The following ZNF718 variants were observed in gnomAD, a reference collection of about 807,000 sequenced individuals.
ZNF718 encodes the protein zinc finger protein 718.
A neutral mutation model predicts 2.6 loss-of-function variants in ZNF718; 3 were observed. The ratio of observed to expected loss-of-function variants is 1.16; its 90% CI spans 0.53 to 3.01. The LOEUF is 3.01. Ranked by LOEUF, ZNF718 falls within the 30% of genes most tolerant of loss-of-function variation. The pLI is 0.03. For missense variants in ZNF718, 468 were observed against 230.0 expected (o/e 2.03, Z -6.69); for synonymous variants, 135 against 77.9 (o/e 1.73, Z -3.86).
chr4:126,828 T>TC (rs1715242142), intron 1 of ZNF718, among the ~76,000 whole-genome samples: 4 of 146,450 alleles, frequency 2.7e-5, no homozygotes, highest in Admixed American at 1.4e-4. Context: ...ATAATTTTTC[T>TC]CTTTTTTTTT....
At chr4:146,174 A>T (rs1482024241) in intron 3 of ZNF718, among the ~76,000 whole-genome samples, 1 of 151,300 alleles carries the variant, frequency 6.6e-6, no homozygotes, top group Non-Finnish European at 1.5e-5. Context: ...AACTTGAAAA[A>T]TTCTCATTAA....
At chr4:196,626 G>A (rs1299611195) in intron 3 of ZNF718, among the ~76,000 whole-genome samples, 1 of 151,834 alleles carries the variant, frequency 6.6e-6, no homozygotes, top group African/African-American at 2.4e-5. Context: ...ACTTCTGGCT[G>A]CACCGTGATC....
intron 3 of ZNF718, among the ~76,000 whole-genome samples, chr4:172,204 C>T (rs1189726112): frequency 1.3e-5 from 2 of 152,100 alleles, no homozygotes; most frequent in African/African-American, 2.4e-5. Context: ...TCTGAATAAA[C>T]AAGCATCCAG....
intron 3 of ZNF718, among the ~76,000 whole-genome samples, chr4:143,507 A>G (rs949004082): frequency 6.6e-5 from 10 of 152,170 alleles, no homozygotes; most frequent in African/African-American, 2.2e-4. Context: ...TTTTAAACAA[A>G]ATTCTGGGAT....
At chr4:165,360 A>G (rs1443248503), downstream of ZNF718, among the ~76,000 whole-genome samples, 1 of 152,172 alleles carries the variant, frequency 6.6e-6, no homozygotes, top group Non-Finnish European at 1.5e-5. Flanking sequence ...TAAAAGAAAA[A>G]TTTTATGAAA....
chr4:189,062 T>TA (rs1366069828), intron 3 of ZNF718, among the ~76,000 whole-genome samples: 83 of 138,918 alleles, frequency 6.0e-4, no homozygotes, highest in African/African-American at 2.4e-3. Context: ...GTAGATTATT[T>TA]TTTTTTTTTT....
At chr4:171,781 G>A (rs573105819) in intron 3 of ZNF718, among the ~76,000 whole-genome samples, 7 of 152,306 alleles carry the variant, frequency 4.6e-5, no homozygotes, top group South Asian at 2.1e-4. Context: ...TCCCTGACCC[G>A]TTGTGCTTCC....
chr4:196,080 G>A (rs77815676), intron 3 of ZNF718, among the ~76,000 whole-genome samples: 19,593 of 148,472 alleles, frequency 0.13, 1,693 homozygotes, highest in Admixed American at 0.24. Context: ...TACTCAATTC[G>A]CCTTCAACCT....
rs1246391865 is a variant in ZNF718, at chr4:129,542, T to C, written c.4-1246T>C. On this transcript the variant is annotated intron_variant, in intron 1 of 3. Coordinates refer to ENST00000510175, the MANE Select transcript of ZNF718 (RefSeq NM_001039127.6). ...TTCCTGATACCCAAAAGCAGATAAATGAGGAAAAGCAATATACTTTTGTGC... is the reference window on the plus strand; with the variant it reads ...TTCCTGATACCCAAAAGCAGATAAACGAGGAAAAGCAATATACTTTTGTGC... 3.8e-5 allele frequency among the ~76,000 whole-genome samples: 4 copies of C among 104,398 alleles called. 2 individuals carry two copies. The highest frequency in any genetic ancestry group is 8.5e-5 in the Non-Finnish European group (4 of 46,784). 68.5% of individuals were successfully genotyped at this position (104,398 alleles called of 152,430 possible).
chr4:189,256 C>T (rs782528925), intron 3 of ZNF718, among the ~76,000 whole-genome samples: 6 of 151,824 alleles, frequency 4.0e-5, no homozygotes, highest in Non-Finnish European at 7.4e-5. Context: ...GTATTTTGAT[C>T]ATAACGTTTC....
At chr4:175,938 G>T (rs1581476247) in intron 3 of ZNF718, among the ~76,000 whole-genome samples, 1 of 139,126 alleles carries the variant, frequency 7.2e-6, no homozygotes, top group South Asian at 2.5e-4. Context: ...CTCACTGCAA[G>T]CTCCGCCTCC....
intron 3 of ZNF718, among the ~76,000 whole-genome samples, chr4:171,433 C>CTT (rs1717226941): frequency 6.6e-6 from 1 of 152,124 alleles, no homozygotes; most frequent in African/African-American, 2.4e-5. Context: ...TGTGCCCTGC[C>CTT]CCCCAGAGGT....
chr4:124,797 C>T (rs1553807630), intron 1 of ZNF718, 124 bp downstream of exon 1: 13 of 1,315,194 alleles, frequency 9.9e-6, no homozygotes, highest in South Asian at 9.2e-5. Flanking sequence ...CAGTCCCCTC[C>T]GGTGAGGGAC....
chr4:131,540 A>T, intron 3 of ZNF718, 35 bp downstream of exon 3: 1 of 371,706 alleles, frequency 2.7e-6, no homozygotes. Context: ...GGACACAGAC[A>T]AGGAGGCCAA....
rs1364567300 is a variant in ZNF718 at position 127,226 on chromosome 4, C to T, written c.3+2553C>T. ...TTCACTTGAGAGAAAAACCTTTCTTCTCAGGATTCCAGCCACAACCCACAA... is the reference window on the plus strand; with the variant it reads ...TTCACTTGAGAGAAAAACCTTTCTTTTCAGGATTCCAGCCACAACCCACAA... On this transcript the variant is annotated intron_variant, in intron 1 of 3. Coordinates refer to ENST00000510175, the MANE Select transcript of ZNF718 (RefSeq NM_001039127.6). Among the ~76,000 whole-genome samples the T allele has an allele frequency of 2.9e-5, 3 of 104,672 alleles. 1 individual carries two copies. Among genetic ancestry groups the T allele is most frequent in the African/African-American group, 1.0e-4 (3 of 30,090 alleles). The allele number at this position is 104,672 out of a possible 152,430, so 68.7% of individuals were successfully genotyped here.
intron 3 of ZNF718, among the ~76,000 whole-genome samples, chr4:170,046 G>T (rs1717185480): frequency 6.6e-6 from 1 of 151,916 alleles, no homozygotes; most frequent in African/African-American, 2.4e-5. Flanking sequence ...AGGCCTGGTG[G>T]TGACAAAATC....
At chr4:125,951 C>T (rs1553807925) in intron 1 of ZNF718, among the ~76,000 whole-genome samples, 1 of 152,178 alleles carries the variant, frequency 6.6e-6, no homozygotes, top group African/African-American at 2.4e-5. Context: ...TTCTCCAACC[C>T]AGGCTTCTGG....
downstream of ZNF718, among the ~76,000 whole-genome samples, chr4:167,848 C>T (rs1252107234): frequency 6.6e-6 from 1 of 152,146 alleles, no homozygotes; most frequent in Non-Finnish European, 1.5e-5. Context: ...TTATTTCTTT[C>T]TCCTGCCTGA....
In ZNF718 at chr4:162,285, T is replaced by C; in HGVS notation, c.*163T>C. On this transcript the variant is annotated 3_prime_UTR_variant, in exon 4 of 4. Coordinates refer to ENST00000510175, the MANE Select transcript of ZNF718 (RefSeq NM_001039127.6). ...TGGTATTGGTGAGAAGCCATAAAAA[T>C]ATGAAAAATGTGGAAAAGCCTTCAA... The C allele has an allele frequency of 2.0e-6, 1 of 492,340 alleles. No homozygotes were observed. The highest frequency in any genetic ancestry group is 3.6e-6 in the Non-Finnish European group (1 of 276,354). The allele number at this position is 492,340 out of a possible 1,614,324, so 30.5% of individuals were successfully genotyped here.
Sources: gnomAD v4.1 joint callset for allele counts (sites outside exome capture counted in the v4.1 genomes callset) on GRCh38, gnomAD v4.1.1 for gene constraint, MANE v1.5 for transcripts, NCBI Gene and HGNC (gene_info 2026-07-23, HGNC 2026-07-21) for gene names.